Variants in EOGT observed in about 807,000 individuals in gnomAD.
The protein encoded by EOGT is EGF domain specific O-linked N-acetylglucosamine transferase.
A neutral mutation model predicts 70.5 loss-of-function variants in EOGT; 55 were observed. That is an observed-to-expected ratio of 0.78 (90% confidence interval 0.63 to 0.98). The LOEUF (loss-of-function observed/expected upper bound fraction) is 0.98, where lower values mean the gene tolerates loss of function less well. EOGT is among the 50% of genes least tolerant of loss of function. The pLI is 0.00. For synonymous variants in EOGT, 246 were observed against 217.1 expected, an observed-to-expected ratio of 1.13 and a Z score of -1.17; for missense variants, 703 against 641.9, an observed-to-expected ratio of 1.10 and a Z score of -1.03.
intron 10 of EOGT, among the ~76,000 whole-genome samples, chr3:68,995,273 A>G (rs2091113172): frequency 6.6e-6 from 1 of 152,178 alleles, no homozygotes. Flanking sequence ...ACCCTTACTT[A>G]GCGCCATCCC....
intron 9 of EOGT, among the ~76,000 whole-genome samples, chr3:68,999,636 C>T (rs1406750001): frequency 3.3e-5 from 5 of 152,002 alleles, no homozygotes; most frequent in Admixed American, 3.3e-4. Context: ...AATTTTTTCA[C>T]CCAGAAAAAT....
chr3:68,982,947 T>C (rs2090693094), intron 14 of EOGT, 75 bp from the exon 15 acceptor site: 3 of 1,117,192 alleles, frequency 2.7e-6, no homozygotes, highest in African/African-American at 3.2e-5. Context: ...AGTCCTAAAA[T>C]TTCTTTTTTT....
chr3:68,991,580 G>C (rs982036694), intron 10 of EOGT, among the ~76,000 whole-genome samples: 26 of 152,076 alleles, frequency 1.7e-4, no homozygotes, highest in African/African-American at 6.0e-4. Context: ...AGCCCTAAAG[G>C]TACTGACTTA....
chr3:69,013,426 G>A (rs1375055903), intron 1 of EOGT, 148 bp downstream of exon 1: 1 of 152,132 alleles, frequency 6.6e-6, no homozygotes, highest in African/African-American at 2.4e-5. Context: ...CAGGGAATGG[G>A]AAGGCGCGGG....
rs137935955 is a variant in EOGT at position 69,004,420 on chromosome 3, G to A, written c.578C>T (p.Thr193Ile). The change falls in exon 8 of 18, where the codon ACA (threonine) becomes ATA (isoleucine). Residue 193 changes from threonine to isoleucine, a missense_variant. Physicochemically the swap from Thr to Ile is moderately conservative, Grantham distance 89. Transcript: ENST00000383701. Reference protein sequence around the residue: ...IGGHCKLDIRTLTSEGQRKSP... With the variant: ...IGGHCKLDIRILTSEGQRKSP... ...TTTGCGCTGACCTTCAGACGTCAAT[G>A]TACGGATGTCAAGTTTACAGTGCCC... The A allele has an allele frequency of 1.5e-4, 244 of 1,614,008 alleles. No homozygotes were observed. The highest frequency in any genetic ancestry group is 2.0e-4 in the Non-Finnish European group (236 of 1,179,980).
chr3:69,009,765 T>C lies in EOGT; in HGVS notation c.82A>G (p.Ser28Gly). ...GQNEAPPNTHSIPGEPLYNYA... is the reference protein window; with the variant it reads ...GQNEAPPNTHGIPGEPLYNYA... ...TTATACAGAGGTTCGCCTGGAATGC[T>C]GTGAGTATTAGGAGGAGCTTCATTC... The change falls in exon 4 of 18, where the codon AGC (serine) becomes GGC (glycine). Residue 28 changes from serine (S) to glycine (G), a missense_variant. Coordinates refer to ENST00000383701, the MANE Select transcript of EOGT (RefSeq NM_001278689.2). 6.2e-7 allele frequency: 1 copy of C among 1,614,144 alleles called. No homozygotes were observed. The highest frequency in any genetic ancestry group is 8.5e-7 in the Non-Finnish European group (1 of 1,180,022).
intron 8 of EOGT, 151 bp downstream of exon 8, chr3:69,004,227 G>T: frequency 3.3e-6 from 2 of 614,548 alleles, no homozygotes; most frequent in East Asian, 2.7e-5. Flanking sequence ...GCAACTGAGG[G>T]ATTCACTCGG....
chr3:69,006,495 C>T (rs2091443189), intron 6 of EOGT, among the ~76,000 whole-genome samples: 2 of 152,316 alleles, frequency 1.3e-5, no homozygotes, highest in South Asian at 2.1e-4. Flanking sequence ...GATCATTGAA[C>T]AGTGTACCTT....
chr3:69,013,166 G>A (rs1474772966), intron 1 of EOGT, among the ~76,000 whole-genome samples: 1 of 152,056 alleles, frequency 6.6e-6, no homozygotes, highest in Admixed American at 6.5e-5. Context: ...TGGGGTTCCG[G>A]ACCCCGGGCG....
intron 10 of EOGT, among the ~76,000 whole-genome samples, chr3:68,994,556 C>T (rs1276592587): frequency 6.6e-6 from 1 of 152,170 alleles, no homozygotes; most frequent in Non-Finnish European, 1.5e-5. Flanking sequence ...CTTTGGGAGG[C>T]CAAGGCAGGC....
chr3:69,009,960 A>C (rs919584597), intron 3 of EOGT, 100 bp from the exon 4 acceptor site: 49 of 786,646 alleles, frequency 6.2e-5, no homozygotes, highest in Non-Finnish European at 9.4e-5. Flanking sequence ...CAAAGGGTCA[A>C]GGGCTAAGTA....
intron 9 of EOGT, 48 bp from the exon 10 acceptor site, chr3:68,998,162 G>A (rs1176518829): frequency 2.0e-6 from 2 of 1,019,534 alleles, no homozygotes; most frequent in Non-Finnish European, 3.0e-6. Context: ...AAGAGCACAT[G>A]ATCAAGCAAG....
At chr3:69,010,846 T>C (rs1288845289) in intron 3 of EOGT, among the ~76,000 whole-genome samples, 1 of 152,184 alleles carries the variant, frequency 6.6e-6, no homozygotes, top group African/African-American at 2.4e-5. Flanking sequence ...AATCAAGGTA[T>C]GAGCACAGAC....
At chr3:68,987,419 A>T in intron 14 of EOGT, 26 bp downstream of exon 14, 1 of 1,538,168 alleles carries the variant, frequency 6.5e-7, no homozygotes, top group Non-Finnish European at 9.0e-7. Flanking sequence ...ATATGAAGGC[A>T]TTAAAAATGC....
At chr3:69,006,509 C>T (rs1051596435) in intron 6 of EOGT, among the ~76,000 whole-genome samples, 3 of 152,334 alleles carry the variant, frequency 2.0e-5, no homozygotes, top group Non-Finnish European at 2.9e-5. Context: ...GTACCTTAAT[C>T]GTAAGTGCTT....
intron 14 of EOGT, among the ~76,000 whole-genome samples, chr3:68,983,141 AAGG>A (rs1437930943): frequency 6.6e-6 from 1 of 152,212 alleles, no homozygotes; most frequent in East Asian, 1.9e-4. Context: ...GTGAGGCTGA[AAGG>A]AGAAGACAAT....
chr3:68,990,923 C>G (rs1452824596), intron 10 of EOGT, among the ~76,000 whole-genome samples: 4 of 145,916 alleles, frequency 2.7e-5, no homozygotes. Flanking sequence ...AAAAAGCCTT[C>G]TTTCCATGTT....
intron 9 of EOGT, 147 bp from the exon 10 acceptor site, chr3:68,998,261 GA>G: frequency 1.7e-6 from 1 of 590,974 alleles, no homozygotes; most frequent in Non-Finnish European, 2.9e-6. Context: ...TTCCAAACAT[GA>G]AATGATCTAG....
At chr3:69,009,897 T>C in intron 3 of EOGT, 37 bp from the exon 4 acceptor site, 1 of 1,375,488 alleles carries the variant, frequency 7.3e-7, no homozygotes, top group Non-Finnish European at 1.0e-6. Flanking sequence ...GTTAACAAAT[T>C]TCCTTTAAAA....
Sources: gnomAD v4.1 joint callset for allele counts (sites outside exome capture counted in the v4.1 genomes callset) on GRCh38, gnomAD v4.1.1 for gene constraint, MANE v1.5 for transcripts, NCBI Gene and HGNC (gene_info 2026-07-23, HGNC 2026-07-21) for gene names.